Variants in PRKAR1B observed in about 807,000 individuals in gnomAD.
PRKAR1B encodes protein kinase cAMP-dependent type I regulatory subunit beta.
Under a neutral mutation model 46.5 loss-of-function variants are expected in PRKAR1B, and 22 were observed. The observed-to-expected ratio is 0.47, with a 90% CI of 0.34 to 0.68. The LOEUF (loss-of-function observed/expected upper bound fraction) is 0.68. Ranked by LOEUF, PRKAR1B falls within the 30% of genes least tolerant of loss-of-function variation. PRKAR1B has a pLI of 0.01. For synonymous variants in PRKAR1B, 259 were observed against 217.7 expected (o/e 1.19, Z -1.67); for missense variants, 445 against 535.6 (o/e 0.83, Z 1.67).
At chr7:692,426 G>A (rs1398999552) in intron 2 of PRKAR1B, among the ~76,000 whole-genome samples, 2 of 148,942 alleles carry the variant, frequency 1.3e-5, no homozygotes, top group South Asian at 2.1e-4. Flanking sequence ...GAGACAGAGA[G>A]ACAGAGAGAG....
chr7:641,756 GTTTA>G (rs932212868), intron 4 of PRKAR1B, among the ~76,000 whole-genome samples: 1 of 151,918 alleles, frequency 6.6e-6, no homozygotes, highest in African/African-American at 2.4e-5. Flanking sequence ...CTATTTATGT[GTTTA>G]TTTACTTATT....
At chr7:551,582 G>A in intron 9 of PRKAR1B, 112 bp from the exon 10 acceptor site, 1 of 1,046,214 alleles carries the variant, frequency 9.6e-7, no homozygotes. Flanking sequence ...CTCCCACCCA[G>A]GTCCTTCTCC....
At chr7:588,201 C>T (rs1327271549) in intron 7 of PRKAR1B, among the ~76,000 whole-genome samples, 1 of 152,100 alleles carries the variant, frequency 6.6e-6, no homozygotes, top group African/African-American at 2.4e-5. Context: ...ATGATGGGGA[C>T]AAGGACCCTA....
intron 2 of PRKAR1B, among the ~76,000 whole-genome samples, chr7:688,459 C>A (rs1779225163): frequency 6.6e-6 from 1 of 152,106 alleles, no homozygotes; most frequent in African/African-American, 2.4e-5. Context: ...TGGAACCCTC[C>A]AATGGCCTCC....
rs555417950 is a variant in PRKAR1B at position 585,006 on chromosome 7, C to T, written c.709-438G>A. Among the ~76,000 whole-genome samples the T allele has an allele frequency of 3.9e-5, 6 of 152,262 alleles. No homozygotes were observed. In the South Asian group the frequency reaches 1.2e-3, roughly 32 times the overall value. On this transcript the variant is annotated intron_variant, in intron 7 of 10. Coordinates refer to ENST00000537384, the MANE Select transcript of PRKAR1B (RefSeq NM_001164760.2). ...AGAGTGCGGCTGACGTCAGCTAAGA[C>T]CCTGGATCCAGCCGTGCCTGAAGCT...
At chr7:554,316 G>A (rs1343467793) in intron 9 of PRKAR1B, among the ~76,000 whole-genome samples, 2 of 152,282 alleles carry the variant, frequency 1.3e-5, no homozygotes, top group Admixed American at 1.3e-4. Flanking sequence ...GCCGCTGTGA[G>A]CGGCGTTATT....
At chr7:697,919 GA>G (rs1779835459) in intron 2 of PRKAR1B, among the ~76,000 whole-genome samples, 2 of 117,940 alleles carry the variant, frequency 1.7e-5, no homozygotes, top group South Asian at 3.4e-4. Context: ...GAAGGGAGGG[GA>G]GGGGAGGGGA....
chr7:612,294 G>T (rs1175009447), intron 4 of PRKAR1B, among the ~76,000 whole-genome samples: 1 of 149,998 alleles, frequency 6.7e-6, no homozygotes, highest in Non-Finnish European at 1.5e-5. Flanking sequence ...ATGGATGGAC[G>T]GACAGGTGGG....
chr7:637,287 C>T (rs536216812), intron 4 of PRKAR1B, among the ~76,000 whole-genome samples: 1 of 151,892 alleles, frequency 6.6e-6, no homozygotes, highest in Admixed American at 6.6e-5. Flanking sequence ...GGCATGGTGG[C>T]GCACCTGTAA....
At position 722,211 on chromosome 7, in the gene PRKAR1B, G is replaced by A. The variant is rs190399657; in HGVS notation, c.-23+4999C>T. ...CACCTCCTGGGTTCAGGCAATTCTCGTGCCTCAGCCTCCCCGAGTAGCTGG... is the reference window on the plus strand; with the variant it reads ...CACCTCCTGGGTTCAGGCAATTCTCATGCCTCAGCCTCCCCGAGTAGCTGG... On this transcript the variant is annotated intron_variant, in intron 1 of 10. Transcript: ENST00000537384. Among the ~76,000 whole-genome samples, 791 of 146,162 alleles carry A rather than the reference G, an allele frequency of 5.4e-3. 5 individuals carry two copies. Among genetic ancestry groups the A allele is most frequent in the Non-Finnish European group, 8.7e-3 (586 of 67,484 alleles).
Position 715,449 on chromosome 7 carries a change from G to A in PRKAR1B, c.-22-3922C>T, listed in dbSNP as rs117725790. 3.2e-4 allele frequency among the ~76,000 whole-genome samples: 49 copies of A among 152,230 alleles called. No individual in the cohort carries two copies. The East Asian group carries it at 7.2e-3, about 22-fold the overall frequency. ...CTGCCACACGGTGACAAACCCTGAC[G>A]TGTGACACTGTGCCCAAGCAGCTAT... is the stretch of plus-strand genomic sequence containing the variant. On this transcript the variant is annotated intron_variant, in intron 1 of 10. Transcript: ENST00000537384.
intron 7 of PRKAR1B, among the ~76,000 whole-genome samples, chr7:588,018 T>A (rs1489422945): frequency 1.3e-5 from 2 of 152,234 alleles, no homozygotes; most frequent in African/African-American, 4.8e-5. Context: ...TGGGCCCTGG[T>A]GGCCAGGCTG....
chr7:627,666 C>T (rs1465537203), intron 4 of PRKAR1B, among the ~76,000 whole-genome samples: 1 of 152,188 alleles, frequency 6.6e-6, no homozygotes, highest in Non-Finnish European at 1.5e-5. Context: ...AGGAGGGCAC[C>T]AACACCCCCC....
In PRKAR1B at chr7:634,643, GT is replaced by G. The variant is rs545415569; in HGVS notation, c.441-27192del. ...GGGGTCCTGGTGTCTGCAACTTACT[GT>G]TTTTTTTTTTTTTAAGGTGGAGTCT... is the stretch of plus-strand genomic sequence containing the variant. On this transcript the variant is annotated intron_variant, in intron 4 of 10. Transcript: ENST00000537384. Among the ~76,000 whole-genome samples, 914 of 142,654 alleles carry G rather than the reference GT, an allele frequency of 6.4e-3. 5 individuals are homozygous for G. Among genetic ancestry groups the G allele is most frequent in the East Asian group, 0.016 (81 of 4,910 alleles). 93.6% of individuals were successfully genotyped at this position (142,654 alleles called of 152,430 possible).
rs568783507 is a variant in PRKAR1B, at chr7:572,353, G to A, written c.891+6903C>T. On this transcript the variant is annotated intron_variant, in intron 9 of 10. Coordinates refer to ENST00000537384, the MANE Select transcript of PRKAR1B (RefSeq NM_001164760.2). ...AGCTCCCCACAGCTTCAGAGACAGC[G>A]GGCGTGACCCCGTGGGGTTGGGGAC... 3.9e-5 allele frequency among the ~76,000 whole-genome samples: 6 copies of A among 152,298 alleles called. No homozygotes were observed. The East Asian group carries it at 5.8e-4, about 15-fold the overall frequency.
intron 9 of PRKAR1B, 196 bp downstream of exon 9, chr7:579,060 G>C: frequency 2.0e-6 from 2 of 985,490 alleles, no homozygotes; most frequent in Non-Finnish European, 2.4e-6. Flanking sequence ...TTTGATGCTA[G>C]AGGGCAGGAG....
At chr7:616,602 C>T (rs1226634030) in intron 4 of PRKAR1B, among the ~76,000 whole-genome samples, 3 of 152,186 alleles carry the variant, frequency 2.0e-5, no homozygotes, top group East Asian at 1.9e-4. Context: ...CATCGCACAG[C>T]GGCTCCTCAC....
Position 561,132 on chromosome 7 carries a change from AACACACAC to A in PRKAR1B, c.892-9670_892-9663del, listed in dbSNP as rs35193364. Among the ~76,000 whole-genome samples the A allele has an allele frequency of 1.0e-3, 151 of 146,758 alleles. 1 individual carries two copies. Among genetic ancestry groups the A allele is most frequent in the South Asian group, 3.7e-3 (17 of 4,560 alleles). On this transcript the variant is annotated intron_variant, in intron 9 of 10. Transcript: ENST00000537384. Reference sequence around the variant, plus strand: ...CACACACCCCACACACAGGCACACAAACACACACACACACACACCTGTGCACACACACA... The same window carrying A: ...CACACACCCCACACACAGGCACACAAACACACACACCTGTGCACACACACA...
chr7:681,663 G>T (rs1778693358), intron 2 of PRKAR1B, among the ~76,000 whole-genome samples: 1 of 152,152 alleles, frequency 6.6e-6, no homozygotes, highest in East Asian at 1.9e-4. Context: ...CGTGGGCTGG[G>T]GTTGCTCCGA....
Sources: allele counts gnomAD v4.1 joint callset (sites outside exome capture counted in the v4.1 genomes callset), GRCh38; gene constraint gnomAD v4.1.1; transcripts MANE v1.5; gene names NCBI Gene and HGNC (gene_info 2026-07-23, HGNC 2026-07-21).